The following TDRD5 variants were observed in gnomAD, a reference collection of about 807,000 sequenced individuals.
The protein encoded by TDRD5 is tudor domain containing 5.
In TDRD5, 41 loss-of-function variants were observed where a neutral mutation model predicts 120.6. That is an observed-to-expected ratio of 0.34 (90% CI 0.26 to 0.44). TDRD5 has a LOEUF of 0.44. Among genes scored for constraint, TDRD5 ranks in the 20% least tolerant of loss-of-function variants. TDRD5 has a pLI of 1.00. For synonymous variants in TDRD5, 430 were observed against 433.7 expected (o/e 0.99, Z 0.11); for missense variants, 1,006 against 1,221.2 (o/e 0.82, Z 2.63).
chr1:179,690,602 G>A (rs1681093094), intron 17 of TDRD5, 94 bp from the exon 18 acceptor site: 1 of 1,497,484 alleles, frequency 6.7e-7, no homozygotes, highest in Non-Finnish European at 8.9e-7. Context: ...GAAAATGATT[G>A]TAACACATAT....
At position 179,651,033 on chromosome 1, in the gene TDRD5, A is replaced by G; in HGVS notation, c.1967A>G (p.His656Arg). 6.2e-7 allele frequency: 1 copy of G among 1,614,150 alleles called. No homozygotes were observed. The highest frequency in any genetic ancestry group is 8.5e-7 in the Non-Finnish European group (1 of 1,180,014). ...CATCATGTCTTGAGAACAGAGGGCC[A>G]TGCTATTGTATGCCGAGAAAATATC... The part of the protein sequence containing the change: ...YFHHVLRTEG[H>R]AIVCRENISS... Residue 656 changes from histidine (H) to arginine (R), a missense_variant, in exon 12 of 18, where the codon CAT becomes CGT. Coordinates refer to ENST00000444136, the MANE Select transcript of TDRD5 (RefSeq NM_001199085.3).
intron 17 of TDRD5, among the ~76,000 whole-genome samples, chr1:179,676,216 T>C (rs12039566): frequency 0.44 from 66,356 of 152,006 alleles, 14,519 homozygotes; most frequent in Admixed American, 0.47. Flanking sequence ...TCTTTTTCCA[T>C]CTCTTTACCT....
intron 4 of TDRD5, among the ~76,000 whole-genome samples, chr1:179,600,639 A>G (rs967266772): frequency 2.1e-4 from 32 of 151,772 alleles, no homozygotes; most frequent in Middle Eastern, 3.4e-3. Flanking sequence ...TATTTCATTG[A>G]TTTCTGTTCT....
At chr1:179,657,802 A>G (rs149407825) in intron 14 of TDRD5, among the ~76,000 whole-genome samples, 1 of 152,206 alleles carries the variant, frequency 6.6e-6, no homozygotes, top group African/African-American at 2.4e-5. Flanking sequence ...TAGCATGTAT[A>G]AGTCAAGCTA....
At chr1:179,644,306 C>G (rs1219986792) in intron 11 of TDRD5, among the ~76,000 whole-genome samples, 2 of 151,872 alleles carry the variant, frequency 1.3e-5, no homozygotes, top group Non-Finnish European at 2.9e-5. Context: ...ATAGAACTTT[C>G]AAAACTAAAT....
rs550125486 is a variant in TDRD5, at chr1:179,661,379, G to T, written c.2323-725G>T. On this transcript the variant is annotated intron_variant, in intron 14 of 17. Transcript: ENST00000444136. ...TCTGTTTTGAGTTTTTTGTTTGGTT[G>T]TTTTTTTTGTTTTTTTCCCCCCAAT... 1.7e-4 allele frequency among the ~76,000 whole-genome samples: 25 copies of T among 150,444 alleles called. 1 individual carries two copies. The highest frequency in any genetic ancestry group is 1.3e-3 in the South Asian group (6 of 4,794).
intron 15 of TDRD5, 22 bp downstream of exon 15, chr1:179,662,308 A>C (rs1679355111): frequency 2.5e-6 from 4 of 1,595,106 alleles, no homozygotes; most frequent in Non-Finnish European, 3.4e-6. Context: ...GGAAAAATAG[A>C]AAGCAAATCA....
At chr1:179,630,122 C>T (rs988174021) in intron 6 of TDRD5, among the ~76,000 whole-genome samples, 11 of 151,998 alleles carry the variant, frequency 7.2e-5, no homozygotes, top group South Asian at 4.2e-4. Flanking sequence ...CTCAGCCTCA[C>T]GAGTAGCTGG....
At chr1:179,620,995 T>G in intron 5 of TDRD5, 40 bp from the exon 6 acceptor site, 1 of 1,461,400 alleles carries the variant, frequency 6.8e-7, no homozygotes, top group Non-Finnish European at 9.3e-7. Flanking sequence ...CACTCAGCAT[T>G]TCAGTGTGTC....
At chr1:179,669,556 C>T (rs766318253) in intron 17 of TDRD5, 152 bp downstream of exon 17, 1 of 953,334 alleles carries the variant, frequency 1.0e-6, no homozygotes, top group Non-Finnish European at 1.5e-6. Context: ...TATGTTTGGG[C>T]TCAATTGTTC....
chr1:179,660,482 A>AGT (rs1679254775), intron 14 of TDRD5, among the ~76,000 whole-genome samples: 1 of 151,722 alleles, frequency 6.6e-6, no homozygotes, highest in Admixed American at 6.6e-5. Flanking sequence ...GACTTCCCAA[A>AGT]GTACTGTGTT....
chr1:179,592,569 C>A (rs779642480), intron 1 of TDRD5, 33 bp from the exon 2 acceptor site: 2 of 1,556,520 alleles, frequency 1.3e-6, no homozygotes, highest in South Asian at 2.3e-5. Flanking sequence ...CGTGGGTTTG[C>A]CCCCTTTTCC....
chr1:179,652,639 G>A (rs1678785243), intron 13 of TDRD5, among the ~76,000 whole-genome samples: 1 of 151,424 alleles, frequency 6.6e-6, no homozygotes, highest in Non-Finnish European at 1.5e-5. Context: ...GGCAGGCACT[G>A]TTAAAAGCAT....
intron 17 of TDRD5, among the ~76,000 whole-genome samples, chr1:179,673,958 G>A (rs185312802): frequency 6.6e-5 from 10 of 152,244 alleles, no homozygotes; most frequent in Non-Finnish European, 2.9e-5. Flanking sequence ...TGGATGAGTC[G>A]TTAGGGTTTT....
intron 17 of TDRD5, among the ~76,000 whole-genome samples, chr1:179,687,253 C>T (rs1019964738): frequency 1.3e-5 from 2 of 152,218 alleles, no homozygotes; most frequent in Admixed American, 1.3e-4. Context: ...TCTTTGTTCT[C>T]ATTGGTTTCA....
intron 6 of TDRD5, among the ~76,000 whole-genome samples, chr1:179,626,164 GTAAC>G (rs1287378928): frequency 1.3e-5 from 2 of 151,960 alleles, no homozygotes; most frequent in African/African-American, 2.4e-5. Flanking sequence ...GTATACATAT[GTAAC>G]TAACCTGCAC....
intron 17 of TDRD5, among the ~76,000 whole-genome samples, chr1:179,672,211 A>T (rs1679892524): frequency 2.0e-5 from 3 of 152,160 alleles, no homozygotes; most frequent in South Asian, 4.1e-4. Flanking sequence ...TAGTGGTTGT[A>T]ATAGTTTATA....
rs138031271 is a variant in TDRD5, at chr1:179,633,607, C to T, written c.1127-850C>T. ...CCTTGTGATCCACCCGCCTCGGCCT[C>T]CCAAAGTGCTGGGATTACAGGTGTG... On this transcript the variant is annotated intron_variant, in intron 7 of 17. Transcript: ENST00000444136. Among the ~76,000 whole-genome samples the T allele has an allele frequency of 2.9e-3, 438 of 151,948 alleles. 1 individual carries two copies. Among genetic ancestry groups the T allele is most frequent in the African/African-American group, 0.01 (417 of 41,482 alleles).
At chr1:179,653,415 C>T (rs889595242) in intron 13 of TDRD5, among the ~76,000 whole-genome samples, 6 of 151,928 alleles carry the variant, frequency 3.9e-5, no homozygotes, top group Admixed American at 1.3e-4. Context: ...AAATATGTAC[C>T]GATGTTTCCT....
Sources: allele counts gnomAD v4.1 joint callset (sites outside exome capture counted in the v4.1 genomes callset), GRCh38; gene constraint gnomAD v4.1.1; transcripts MANE v1.5; gene names NCBI Gene and HGNC (gene_info 2026-07-23, HGNC 2026-07-21).